Variants in LRRC37B observed in about 807,000 individuals in gnomAD.
LRRC37B encodes leucine rich repeat containing 37B, also known as leucine-rich repeat-containing protein 37B.
A neutral mutation model predicts 98.3 loss-of-function variants in LRRC37B; 28 were observed. That is an observed-to-expected ratio of 0.28 (90% confidence interval 0.21 to 0.39). The LOEUF is 0.39. Among genes scored for constraint, LRRC37B ranks in the 10% least tolerant of loss-of-function variants. The pLI, the probability that LRRC37B is intolerant of heterozygous loss-of-function variation, is 1.00. For missense variants in LRRC37B, 938 were observed against 1,182.7 expected (o/e 0.79, Z 3.03); for synonymous variants, 364 against 442.7 (o/e 0.82, Z 2.23).
At chr17:32,013,248 G>A (rs1239397576) in intron 1 of LRRC37B, among the ~76,000 whole-genome samples, 1 of 152,020 alleles carries the variant, frequency 6.6e-6, no homozygotes, top group Non-Finnish European at 1.5e-5. Context: ...CAAGGCATCT[G>A]CCCACCTCAG....
At chr17:32,025,313 G>C (rs1241984705) in intron 2 of LRRC37B, among the ~76,000 whole-genome samples, 3 of 151,390 alleles carry the variant, frequency 2.0e-5, no homozygotes, top group Admixed American at 1.3e-4. Flanking sequence ...TCATATTATA[G>C]GCATGAGCCA....
exon 3 of LRRC37B, chr17:32,027,793 T>A: frequency 6.2e-7 from 1 of 1,607,216 alleles, no homozygotes; most frequent in Non-Finnish European, 8.5e-7. Context: ...ATTATTTGAC[T>A]GAATTACCTA....
At chr17:32,034,776 T>C (rs1911200326) in intron 5 of LRRC37B, 134 bp from the exon 9 acceptor site, 2 of 627,596 alleles carry the variant, frequency 3.2e-6, no homozygotes, top group Non-Finnish European at 5.7e-6. Flanking sequence ...TGGAGTCTAA[T>C]GGTGATTTAT....
At chr17:32,021,552 C>G (rs747377181) in exon 1 of LRRC37B, 1 of 1,613,966 alleles carries the variant, frequency 6.2e-7, no homozygotes, top group African/African-American at 1.3e-5. Context: ...AGAGGTGGTT[C>G]CGCTTCTCAA....
At chr17:32,033,092 A>C (rs987888277) in intron 5 of LRRC37B, among the ~76,000 whole-genome samples, 11 of 152,188 alleles carry the variant, frequency 7.2e-5, no homozygotes, top group Admixed American at 3.9e-4. Context: ...TGAACCCAGG[A>C]GGCGGAGGTT....
At chr17:32,033,395 G>GAGAA (rs777661988) in intron 5 of LRRC37B, among the ~76,000 whole-genome samples, 42 of 151,914 alleles carry the variant, frequency 2.8e-4, no homozygotes, top group Middle Eastern at 3.4e-3. Context: ...AGGAAAGAAA[G>GAGAA]AGAAAGAAAG....
chr17:32,045,035 A>G (rs996654223), intron 7 of LRRC37B, among the ~76,000 whole-genome samples: 1 of 152,176 alleles, frequency 6.6e-6, no homozygotes, highest in African/African-American at 2.4e-5. Context: ...TATTTTTATT[A>G]CATTGGTGGT....
chr17:32,022,458 A>C (rs1387102937), exon 1 of LRRC37B: 1 of 1,612,854 alleles, frequency 6.2e-7, no homozygotes, highest in East Asian at 2.2e-5. Flanking sequence ...ACCGTCTCCA[A>C]CCACGGAGGA....
At chr17:32,014,124 A>G (rs1459491138) in intron 1 of LRRC37B, among the ~76,000 whole-genome samples, 2 of 152,196 alleles carry the variant, frequency 1.3e-5, no homozygotes, top group African/African-American at 4.8e-5. Flanking sequence ...TCAACTGCCT[A>G]TGTTGTCCCC....
At chr17:32,038,083 C>T (rs550855814) in intron 7 of LRRC37B, among the ~76,000 whole-genome samples, 4 of 151,776 alleles carry the variant, frequency 2.6e-5, no homozygotes, top group East Asian at 3.9e-4. Flanking sequence ...GCAGAGATCA[C>T]GCCACTGCAC....
chr17:32,007,434 G>T (rs1313045075), upstream of LRRC37B, among the ~76,000 whole-genome samples: 1 of 152,148 alleles, frequency 6.6e-6, no homozygotes, highest in Admixed American at 6.5e-5. The surrounding 1 kb of genome is among the most constrained non-coding windows in gnomAD (Gnocchi z 4.1). Context: ...AGGCGATCTT[G>T]AGTGGGGCCC....
intron 1 of LRRC37B, 103 bp downstream of exon 4, chr17:32,022,928 A>G: frequency 8.9e-7 from 1 of 1,120,182 alleles, no homozygotes; most frequent in Non-Finnish European, 1.3e-6. Context: ...AGCCATACTG[A>G]CAAGTGACTT....
At chr17:32,042,184 C>T in intron 7 of LRRC37B, 1 of 271,348 alleles carries the variant, frequency 3.7e-6, no homozygotes, top group Non-Finnish European at 7.3e-6. Context: ...CCCCCCCATA[C>T]TGCTCCCCTC....
At chr17:32,007,964 G>T, upstream of LRRC37B, 1 of 506,864 alleles carries the variant, frequency 2.0e-6, no homozygotes, top group Non-Finnish European at 3.3e-6. This position sits in a 1 kb window ranked among gnomAD's most constrained non-coding sequence, Gnocchi z 4.1. Flanking sequence ...GAGCGAGGAG[G>T]AGGAGTAAGA....
At chr17:32,044,957 A>G (rs1911533479) in intron 7 of LRRC37B, among the ~76,000 whole-genome samples, 1 of 152,176 alleles carries the variant, frequency 6.6e-6, no homozygotes, top group Non-Finnish European at 1.5e-5. Context: ...GTACTTTGAG[A>G]TCAGTGAAGA....
intron 3 of LRRC37B, 51 bp from the exon 7 acceptor site, chr17:32,030,605 A>G: frequency 7.1e-7 from 1 of 1,408,404 alleles, no homozygotes; most frequent in Non-Finnish European, 9.6e-7. Context: ...TATTCATACC[A>G]GTCAACACTG....
chr17:32,024,956 CT>C (rs773143963), intron 2 of LRRC37B, among the ~76,000 whole-genome samples, 174 bp downstream of exon 5: 36 of 145,192 alleles, frequency 2.5e-4, no homozygotes, highest in Middle Eastern at 3.6e-3. Flanking sequence ...GGTAGGCTCT[CT>C]CTAAAATAAG....
At chr17:32,047,487 TG>T in intron 8 of LRRC37B, 1 of 459,590 alleles carries the variant, frequency 2.2e-6, no homozygotes, top group Non-Finnish European at 4.0e-6. Flanking sequence ...GACTGAGCAC[TG>T]GGCAATTGGC....
At chr17:32,021,846 C>T in exon 1 of LRRC37B, 1 of 1,614,156 alleles carries the variant, frequency 6.2e-7, no homozygotes, top group Non-Finnish European at 8.5e-7. Context: ...CACACTGTAT[C>T]CCGGCAGCCT....
Sources: gnomAD v4.1 joint callset for allele counts (sites outside exome capture counted in the v4.1 genomes callset) on GRCh38, gnomAD v4.1.1 for gene constraint, Gnocchi (gnomAD v3.1) non-coding constraint, MANE v1.5 for transcripts, NCBI Gene and HGNC (gene_info 2026-07-23, HGNC 2026-07-21) for gene names.